NKX2-2: variants seen among roughly 807,000 people sequenced by gnomAD.
The protein encoded by NKX2-2 is homeobox protein Nkx-2.2.
In NKX2-2, 8 loss-of-function variants were observed where a neutral mutation model predicts 24.6. The ratio of observed to expected loss-of-function variants is 0.32; its 90% CI spans 0.19 to 0.59. NKX2-2 has a LOEUF of 0.59. Among genes scored for constraint, NKX2-2 ranks in the 20% least tolerant of loss-of-function variants. The pLI is 0.86. For missense variants in NKX2-2, 381 were observed against 373.9 expected (o/e 1.02, Z -0.16); for synonymous variants, 217 against 173.3 (o/e 1.25, Z -1.98).
the NKX2-2 span, among the ~76,000 whole-genome samples, chr20:21,522,359 A>G: frequency 1.3e-5 from 2 of 152,118 alleles, no homozygotes; most frequent in Admixed American, 1.3e-4. Flanking sequence ...CTCTGCTGGC[A>G]GGCCGCGGTG....
chr20:21,511,598 C>T lies in NKX2-2; in HGVS notation c.*325G>A, dbSNP rs145444905. The T allele has an allele frequency of 1.7e-3, 427 of 247,322 alleles. 2 individuals carry two copies. Among genetic ancestry groups the T allele is most frequent in the Non-Finnish European group, 2.2e-3 (288 of 131,256 alleles). The allele number at this position is 247,322 out of a possible 1,614,324, so 15.3% of individuals were successfully genotyped here. ...TCTTTTTCTCGTTTTCAAGTGACGA[C>T]ATTAACGCTGGGACGGTTTGGTCCC... On this transcript the variant is annotated 3_prime_UTR_variant, in exon 2 of 2. Transcript: ENST00000377142.
chr20:21,513,463 G>T lies in NKX2-2; in HGVS notation c.207C>A (p.Ser69Arg). ...LPLKNPFYDSSDNPYTRWLAS... is the reference protein window; with the variant it reads ...LPLKNPFYDSRDNPYTRWLAS... ...CCAGCCAGCGCGTGTACGGGTTGTC[G>T]CTGCTGTCGTAGAAGGGGTTCTTCA... The change falls in exon 1 of 2, where the codon AGC becomes AGA. Residue 69 changes from serine to arginine, a missense_variant. This residue lies in a region of NKX2-2 where 206 missense variants were observed against 173.1 expected (regional missense o/e 1.19). Coordinates refer to ENST00000377142, the MANE Select transcript of NKX2-2 (RefSeq NM_002509.4). This position sits in a 1 kb window ranked among gnomAD's most constrained non-coding sequence, Gnocchi z 4.6. 1 of 1,604,482 alleles carries T rather than the reference G, an allele frequency of 6.2e-7. No individual in the cohort carries two copies. The highest frequency in any genetic ancestry group is 8.5e-7 in the Non-Finnish European group (1 of 1,175,502).
the NKX2-2 span, among the ~76,000 whole-genome samples, chr20:21,519,206 G>C: frequency 1.3e-5 from 2 of 152,044 alleles, no homozygotes; most frequent in African/African-American, 4.8e-5. Flanking sequence ...TCATTTCTTC[G>C]TCTTTTTTTT....
In NKX2-2 at chr20:21,512,200, T is replaced by C; in HGVS notation, c.545A>G (p.Lys182Arg). Residue 182 changes from lysine (K) to arginine (R), a missense_variant, in exon 2 of 2, where the codon AAG becomes AGG. Coordinates refer to ENST00000377142, the MANE Select transcript of NKX2-2 (RefSeq NM_002509.4). ...VKIWFQNHRY[K>R]MKRARAEKGM... The stretch of plus-strand genomic sequence containing the variant: ...TTTCTCGGCCCGGGCGCGCTTCATC[T>C]TGTAGCGGTGGTTCTGGAACCAGAT... The C allele has an allele frequency of 6.2e-7, 1 of 1,613,998 alleles. No individual in the cohort carries two copies. The highest frequency in any genetic ancestry group is 8.5e-7 in the Non-Finnish European group (1 of 1,179,946).
At position 21,513,517 on chromosome 20, in the gene NKX2-2, G is replaced by T. The variant is rs1039197296; in HGVS notation, c.153C>A (p.Gly51=). ...GCAGGCTCTGCACCGCGTCCAGGGC[G>T]CCCTGCCCCAGCGGCCCGGCCCTCT... ...PAKRAGPLGQ[G]ALDAVQSLPL... The change falls in exon 1 of 2, where the codon GGC becomes GGA. Residue 51 remains glycine, a synonymous_variant. Transcript: ENST00000377142. The surrounding 1 kb of genome is among the most constrained non-coding windows in gnomAD (Gnocchi z 4.6). The T allele has an allele frequency of 6.2e-6, 10 of 1,612,686 alleles. No homozygotes were observed. Among genetic ancestry groups the T allele is most frequent in the Admixed American group, 1.7e-5 (1 of 59,858 alleles).
At chr20:21,515,874 G>C (rs919655736), upstream of NKX2-2, among the ~76,000 whole-genome samples, 4 of 152,198 alleles carry the variant, frequency 2.6e-5, no homozygotes, top group African/African-American at 9.6e-5. Flanking sequence ...CGAGCCGCTC[G>C]GCGGCTTTCT....
At chr20:21,514,227 T>G (rs1980554133), upstream of NKX2-2, among the ~76,000 whole-genome samples, 1 of 151,682 alleles carries the variant, frequency 6.6e-6, no homozygotes, top group African/African-American at 2.4e-5. Context: ...GAAGAGACAT[T>G]AAAAACGCAA....
the NKX2-2 span, among the ~76,000 whole-genome samples, chr20:21,522,344 C>G: frequency 3.3e-5 from 5 of 152,194 alleles, no homozygotes; most frequent in African/African-American, 1.2e-4. Flanking sequence ...TGCCCCGAGA[C>G]CCCTCTCTGC....
chr20:21,520,334 T>C, the NKX2-2 span, among the ~76,000 whole-genome samples: 1 of 152,100 alleles, frequency 6.6e-6, no homozygotes, highest in Non-Finnish European at 1.5e-5. Flanking sequence ...CAAGGCAAAA[T>C]ATACAACACT....
At position 21,512,490 on chromosome 20, in the gene NKX2-2, G is replaced by C. The variant is rs1198969028; in HGVS notation, c.260-5C>G. The C allele has an allele frequency of 5.8e-6, 9 of 1,548,422 alleles. No homozygotes were observed. The highest frequency in any genetic ancestry group is 5.4e-5 in the African/African-American group (4 of 73,964). ...CCCCGGCAGCCAGACCGTGCACTGGGGGGAGGGGGAGAGAGAAGCGCGTCA... is the reference window on the plus strand; with the variant it reads ...CCCCGGCAGCCAGACCGTGCACTGGCGGGAGGGGGAGAGAGAAGCGCGTCA... On this transcript the variant is annotated splice_region_variant and splice_polypyrimidine_tract_variant and intron_variant, in intron 1 of 1. Transcript: ENST00000377142.
Position 21,512,489 on chromosome 20 carries a change from G to T in NKX2-2, c.260-4C>A, listed in dbSNP as rs770588224. On this transcript the variant is annotated splice_region_variant and splice_polypyrimidine_tract_variant and intron_variant, in intron 1 of 1. Transcript: ENST00000377142. Reference sequence around the variant, plus strand: ...GCCCCGGCAGCCAGACCGTGCACTGGGGGGAGGGGGAGAGAGAAGCGCGTC... The same window carrying T: ...GCCCCGGCAGCCAGACCGTGCACTGTGGGGAGGGGGAGAGAGAAGCGCGTC... 1.3e-6 allele frequency: 2 copies of T among 1,547,334 alleles called. No homozygotes were observed. The highest frequency in any genetic ancestry group is 1.2e-5 in the South Asian group (1 of 83,132).
rs749945458 is a variant in NKX2-2 at position 21,513,471 on chromosome 20, C to A, written c.199G>T (p.Asp67Tyr). Residue 67 changes from aspartate to tyrosine, a missense_variant, in exon 1 of 2, where the codon GAC becomes TAC. By Grantham distance (160) the Asp-to-Tyr change is radical. Coordinates refer to ENST00000377142, the MANE Select transcript of NKX2-2 (RefSeq NM_002509.4). The surrounding 1 kb of genome is among the most constrained non-coding windows in gnomAD (Gnocchi z 4.6). ...QSLPLKNPFY[D>Y]SSDNPYTRWL... is the part of the protein sequence containing the mutation. ...CGCGTGTACGGGTTGTCGCTGCTGT[C>A]GTAGAAGGGGTTCTTCAGGGGCAGG... 2 of 1,608,654 alleles carry A rather than the reference C, an allele frequency of 1.2e-6. No individual in the cohort carries two copies. The highest frequency in any genetic ancestry group is 2.2e-5 in the South Asian group (2 of 89,888).
intron 1 of NKX2-2, 29 bp from the exon 2 acceptor site, chr20:21,512,514 C>A: frequency 6.7e-7 from 1 of 1,497,234 alleles, no homozygotes; most frequent in East Asian, 2.3e-5. Flanking sequence ...AGAAGCGCGT[C>A]AGGCGTCTGG....
upstream of NKX2-2, among the ~76,000 whole-genome samples, chr20:21,516,896 T>C (rs949457906): frequency 1.3e-5 from 2 of 152,186 alleles, no homozygotes; most frequent in Admixed American, 6.5e-5. Context: ...TGAAGTTCCA[T>C]GTAGTTCCCA....
chr20:21,513,320 C>G lies in NKX2-2; in HGVS notation c.259+91G>C. 7.2e-7 allele frequency: 1 copy of G among 1,384,712 alleles called. No individual in the cohort carries two copies. The highest frequency in any genetic ancestry group is 9.6e-7 in the Non-Finnish European group (1 of 1,037,740). The allele number at this position is 1,384,712 out of a possible 1,614,324, so 85.8% of individuals were successfully genotyped here. A position where few individuals can be genotyped will look rare whatever the true frequency, so the allele number is the denominator to read the frequency against. Reference sequence around the variant, plus strand: ...GTGAGGGGGTCCGGGCTTACATGGCCCCTTCCCCTTTCACTCCCAGCGTCC... The same window carrying G: ...GTGAGGGGGTCCGGGCTTACATGGCGCCTTCCCCTTTCACTCCCAGCGTCC... On this transcript the variant is annotated intron_variant, in intron 1 of 1. Coordinates refer to ENST00000377142, the MANE Select transcript of NKX2-2 (RefSeq NM_002509.4). The surrounding 1 kb of genome is among the most constrained non-coding windows in gnomAD (Gnocchi z 4.6).
the NKX2-2 span, among the ~76,000 whole-genome samples, chr20:21,522,422 C>G: frequency 2.4e-4 from 36 of 152,280 alleles, no homozygotes; most frequent in Admixed American, 1.9e-3. Context: ...GAGGACCAGA[C>G]AGTCAGCGCC....
chr20:21,515,597 TGG>T (rs34811915), upstream of NKX2-2, among the ~76,000 whole-genome samples: 2 of 111,426 alleles, frequency 1.8e-5, no homozygotes, highest in Admixed American at 8.9e-5. Context: ...AAAACTTTTT[TGG>T]GGGGGGGGTG....
Position 21,513,498 on chromosome 20 carries a change from T to A in NKX2-2, c.172A>T (p.Ser58Cys), listed in dbSNP as rs1448821434. 1 of 1,612,548 alleles carries A rather than the reference T, an allele frequency of 6.2e-7. No homozygotes were observed. The highest frequency in any genetic ancestry group is 1.7e-5 in the Admixed American group (1 of 59,848). ...TAGAAGGGGTTCTTCAGGGGCAGGCTCTGCACCGCGTCCAGGGCGCCCTGC... is the reference window on the plus strand; with the variant it reads ...TAGAAGGGGTTCTTCAGGGGCAGGCACTGCACCGCGTCCAGGGCGCCCTGC... ...LGQGALDAVQ[S>C]LPLKNPFYDS... The change falls in exon 1 of 2, where the codon AGC becomes TGC. Residue 58 changes from serine to cysteine, a missense_variant. Ser to Cys is a moderately radical substitution (Grantham distance 112). Around this residue, in one of 3 missense-constraint regions of NKX2-2, gnomAD observed 206 missense variants for 173.1 expected, o/e 1.19. Transcript: ENST00000377142. The surrounding 1 kb of genome is among the most constrained non-coding windows in gnomAD (Gnocchi z 4.6).
rs145819196 is a variant in NKX2-2, at chr20:21,512,015, G to A, written c.730C>T (p.His244Tyr). ...FSAYSAQSLQ[H>Y]MQYNAQYSSA... is the part of the protein sequence containing the mutation. ...CTGTACTGGGCGTTGTACTGCATGT[G>A]CTGCAGCGACTGCGCGCTGTAGGCA... The change falls in exon 2 of 2, where the codon CAC (histidine) becomes TAC (tyrosine). Residue 244 changes from histidine to tyrosine, a missense_variant. Around this residue, in one of 3 missense-constraint regions of NKX2-2, gnomAD observed 139 missense variants for 121.7 expected, o/e 1.14. Coordinates refer to ENST00000377142, the MANE Select transcript of NKX2-2 (RefSeq NM_002509.4). The A allele has an allele frequency of 7.6e-5, 123 of 1,613,394 alleles. No homozygotes were observed. The highest frequency in any genetic ancestry group is 3.3e-4 in the Middle Eastern group (2 of 6,082).
Sources: gnomAD v4.1 joint callset for allele counts (sites outside exome capture counted in the v4.1 genomes callset) on GRCh38, gnomAD v4.1.1 for gene constraint, gnomAD v4.1.1 regional missense constraint, Gnocchi (gnomAD v3.1) non-coding constraint, MANE v1.5 for transcripts, NCBI Gene and HGNC (gene_info 2026-07-23, HGNC 2026-07-21) for gene names.